GALNTL6: variants seen among roughly 807,000 people sequenced by gnomAD.
GALNTL6 encodes polypeptide N-acetylgalactosaminyltransferase-like 6.
GALNTL6 carries 46 observed loss-of-function variants against 73.7 expected under a neutral mutation model. The ratio of observed to expected loss-of-function variants is 0.62; its 90% CI spans 0.49 to 0.80. GALNTL6 has a LOEUF of 0.80. GALNTL6 is among the 30% of genes least tolerant of loss of function. GALNTL6 has a pLI of 0.00. For synonymous variants in GALNTL6, 259 were observed against 263.7 expected, an observed-to-expected ratio of 0.98 and a Z score of 0.17; for missense variants, 604 against 755.0, an observed-to-expected ratio of 0.80 and a Z score of 2.34.
intron 5 of GALNTL6, among the ~76,000 whole-genome samples, chr4:172,516,879 A>G (rs1161198948): frequency 6.6e-6 from 1 of 152,208 alleles, no homozygotes; most frequent in East Asian, 1.9e-4. Context: ...GTCGTCTACT[A>G]CAACATGGAT....
chr4:172,683,874 G>C (rs1471938223), intron 5 of GALNTL6, among the ~76,000 whole-genome samples: 1 of 152,174 alleles, frequency 6.6e-6, no homozygotes, highest in Non-Finnish European at 1.5e-5. Context: ...GCAGGGATTA[G>C]CTTTTTCGTG....
chr4:172,140,879 A>AG (rs1371654846), intron 2 of GALNTL6, among the ~76,000 whole-genome samples: 13 of 152,042 alleles, frequency 8.6e-5, no homozygotes, highest in Non-Finnish European at 1.9e-4. Flanking sequence ...AAAGGAGGAA[A>AG]GGGCTAATAG....
At chr4:171,905,116 A>C (rs1276556832) in intron 2 of GALNTL6, among the ~76,000 whole-genome samples, 1 of 152,192 alleles carries the variant, frequency 6.6e-6, no homozygotes, top group East Asian at 1.9e-4. Context: ...CTAACATCAT[A>C]ATGACAGGAT....
intron 2 of GALNTL6, among the ~76,000 whole-genome samples, chr4:172,112,609 T>C (rs968557256): frequency 3.3e-5 from 5 of 152,042 alleles, no homozygotes; most frequent in Admixed American, 1.3e-4. Flanking sequence ...TGTAGTTGTA[T>C]GTTCATGTTG....
At chr4:171,908,885 A>G (rs1044739742) in intron 2 of GALNTL6, among the ~76,000 whole-genome samples, 13 of 150,786 alleles carry the variant, frequency 8.6e-5, no homozygotes, top group East Asian at 1.9e-4. Flanking sequence ...TCCGTAAACT[A>G]TTGCAAGAAC....
At chr4:172,058,284 C>G (rs1293211875) in intron 2 of GALNTL6, among the ~76,000 whole-genome samples, 1 of 152,006 alleles carries the variant, frequency 6.6e-6, no homozygotes, top group Admixed American at 6.6e-5. Context: ...AGTATTTTTT[C>G]TAGTCTCACC....
chr4:172,293,096 A>C (rs1314949673), intron 3 of GALNTL6, among the ~76,000 whole-genome samples: 1 of 152,178 alleles, frequency 6.6e-6, no homozygotes, highest in Non-Finnish European at 1.5e-5. Flanking sequence ...TAAAACTTTC[A>C]TGAGTTGTCT....
At chr4:172,502,393 G>A (rs562041695) in intron 5 of GALNTL6, among the ~76,000 whole-genome samples, 1 of 152,180 alleles carries the variant, frequency 6.6e-6, no homozygotes, top group East Asian at 1.9e-4. Context: ...TTACAGTTTA[G>A]TCAACTTCAA....
At chr4:172,624,728 T>A (rs1739095752) in intron 5 of GALNTL6, among the ~76,000 whole-genome samples, 1 of 152,090 alleles carries the variant, frequency 6.6e-6, no homozygotes, top group African/African-American at 2.4e-5. Context: ...ATTGACAATG[T>A]TGGTCTGTAT....
intron 2 of GALNTL6, among the ~76,000 whole-genome samples, chr4:171,873,952 T>A (rs1183162585): frequency 6.6e-6 from 1 of 152,170 alleles, no homozygotes; most frequent in Non-Finnish European, 1.5e-5. Flanking sequence ...AATTAACATA[T>A]GATCAGGAAG....
In GALNTL6 at chr4:172,156,547, A is replaced by AG. The variant is rs1553997712; in HGVS notation, c.139-73109_139-73108insG. 4.4e-5 allele frequency among the ~76,000 whole-genome samples: 5 copies of AG among 113,776 alleles called. 1 individual carries two copies. Among genetic ancestry groups the AG allele is most frequent in the African/African-American group, 1.9e-4 (5 of 25,646 alleles). 74.6% of individuals were successfully genotyped at this position (113,776 alleles called of 152,430 possible). On this transcript the variant is annotated intron_variant, in intron 2 of 12. Transcript: ENST00000506823. ...AAATATACATATATATATAATATAT[A>AG]TATATATATATATATATATACATAC...
chr4:172,170,901 A>G (rs974261701), intron 2 of GALNTL6, among the ~76,000 whole-genome samples: 1 of 152,214 alleles, frequency 6.6e-6, no homozygotes. Context: ...TATATTTTAC[A>G]TATGTGCATG....
chr4:172,140,601 A>T (rs549973685), intron 2 of GALNTL6, among the ~76,000 whole-genome samples: 2 of 152,190 alleles, frequency 1.3e-5, no homozygotes, highest in East Asian at 3.9e-4. Flanking sequence ...ACAACTAGTA[A>T]ATATACAGTA....
chr4:172,282,722 C>CTA (rs1479974661), intron 3 of GALNTL6, among the ~76,000 whole-genome samples: 1 of 146,970 alleles, frequency 6.8e-6, no homozygotes, highest in African/African-American at 2.5e-5. Context: ...AAATCAGTAA[C>CTA]TAAAAGGATT....
At chr4:172,498,009 T>TTTA (rs1424895953) in intron 5 of GALNTL6, among the ~76,000 whole-genome samples, 4 of 148,658 alleles carry the variant, frequency 2.7e-5, no homozygotes, top group African/African-American at 2.5e-5. Flanking sequence ...TTTGTTTTTT[T>TTTA]GAGATGGAGT....
chr4:172,667,524 T>C lies in GALNTL6; in HGVS notation c.554-141837T>C, dbSNP rs148880062. 131 of 152,330 alleles carry C rather than the reference T, an allele frequency of 8.6e-4. 1 individual carries two copies. Among genetic ancestry groups the C allele is most frequent in the African/African-American group, 3.0e-3 (126 of 41,554 alleles). The allele number at this position is 152,330 out of a possible 1,614,324, so 9.4% of individuals were successfully genotyped here. A position where few individuals can be genotyped will look rare whatever the true frequency, so the allele number is the denominator to read the frequency against. On this transcript the variant is annotated intron_variant, in intron 5 of 12. Transcript: ENST00000506823. ...AGGCTCATTCATGTTGTTGGCAGAA[T>C]TGAATTCCATGAGATTATAGGACTC...
chr4:172,447,424 C>T (rs1366793239), intron 5 of GALNTL6, among the ~76,000 whole-genome samples: 1 of 152,178 alleles, frequency 6.6e-6, no homozygotes, highest in Non-Finnish European at 1.5e-5. Flanking sequence ...CAAGTAGCCA[C>T]TGCATTTGGC....
intron 2 of GALNTL6, among the ~76,000 whole-genome samples, chr4:172,174,892 G>A (rs1734942322): frequency 6.6e-6 from 1 of 152,042 alleles, no homozygotes; most frequent in South Asian, 2.1e-4. Context: ...ACATTTAGAT[G>A]ACACATACAT....
At chr4:172,098,160 G>A (rs2110954909) in intron 2 of GALNTL6, among the ~76,000 whole-genome samples, 1 of 152,046 alleles carries the variant, frequency 6.6e-6, no homozygotes, top group South Asian at 2.1e-4. Flanking sequence ...TAGGATAACT[G>A]TATATATGTC....
Sources: allele counts gnomAD v4.1 joint callset (sites outside exome capture counted in the v4.1 genomes callset), GRCh38; gene constraint gnomAD v4.1.1; transcripts MANE v1.5; gene names NCBI Gene and HGNC (gene_info 2026-07-23, HGNC 2026-07-21).